Variants in MAP9 observed in about 807,000 individuals in gnomAD.
MAP9 encodes the protein microtubule-associated protein 9.
In MAP9, 80 loss-of-function variants were observed where a neutral mutation model predicts 75.2. The ratio of observed to expected loss-of-function variants is 1.06; its 90% confidence interval spans 0.89 to 1.28. The LOEUF (loss-of-function observed/expected upper bound fraction) is 1.28. Among genes scored for constraint, MAP9 ranks in the 50% most tolerant of loss-of-function variants. The pLI, the probability that MAP9 is intolerant of heterozygous loss-of-function variation, is 0.00. For synonymous variants in MAP9, 235 were observed against 237.3 expected, an observed-to-expected ratio of 0.99 and a Z score of 0.09; for missense variants, 753 against 719.9, an observed-to-expected ratio of 1.05 and a Z score of -0.53.
At chr4:155,350,327 G>A in intron 13 of MAP9, 1 of 399,750 alleles carries the variant, frequency 2.5e-6, no homozygotes, top group Non-Finnish European at 4.8e-6. Context: ...TACTATATTT[G>A]CAGACATTTT....
chr4:155,354,363 C>G (rs1190982804), intron 10 of MAP9: 1 of 151,542 alleles, frequency 6.6e-6, no homozygotes, highest in Non-Finnish European at 1.5e-5. Flanking sequence ...GGATACAGAT[C>G]AAGAGTTCAG....
intron 13 of MAP9, among the ~76,000 whole-genome samples, chr4:155,351,644 A>C (rs984825706): frequency 3.3e-5 from 5 of 151,920 alleles, no homozygotes; most frequent in African/African-American, 1.2e-4. Flanking sequence ...CCAACAATCT[A>C]ATAGAAAAGT....
rs1731281780 is a variant in MAP9 at position 155,346,214 on chromosome 4, C to T, written c.*1569G>A. ...CTCAAAGCCTTTGTCACATAACTTG[C>T]TGAGTTTTCTGATATTCTGATAGTA... On this transcript the variant is annotated 3_prime_UTR_variant, in exon 14 of 14. Coordinates refer to ENST00000311277, the MANE Select transcript of MAP9 (RefSeq NM_001039580.2). The T allele has an allele frequency of 6.6e-6, 1 of 152,202 alleles. No individual in the cohort carries two copies. The highest frequency in any genetic ancestry group is 2.1e-4 in the South Asian group (1 of 4,822). The allele number at this position is 152,202 out of a possible 1,614,324, so 9.4% of individuals were successfully genotyped here.
intron 5 of MAP9, among the ~76,000 whole-genome samples, chr4:155,363,850 G>T (rs1292330941): frequency 1.3e-5 from 2 of 152,040 alleles, no homozygotes; most frequent in Non-Finnish European, 2.9e-5. Flanking sequence ...AATATAAACA[G>T]AATCTCAGAG....
Position 155,362,137 on chromosome 4 carries a change from GA to G in MAP9, c.712del (p.Ser238HisfsTer3). The G allele has an allele frequency of 6.4e-7, 1 of 1,559,600 alleles. No homozygotes were observed. Among genetic ancestry groups the G allele is most frequent in the Non-Finnish European group, 8.6e-7 (1 of 1,156,384 alleles). Reference protein sequence around the residue: ...AFSENLDPEDSCLTSLASSSL... With the variant: ...AFSENLDPEDXCLTSLASSSL... ...TGATGATGCTAGACTTGTTAAGCAT[GA>G]ATCCTGTTTTCGCAAAAAAAAATAC... On this transcript the variant is annotated frameshift_variant, in exon 6 of 14. Transcript: ENST00000311277. LOFTEE classifies it high-confidence loss of function.
At chr4:155,369,396 C>G (rs977343048) in intron 4 of MAP9, among the ~76,000 whole-genome samples, 13 of 150,306 alleles carry the variant, frequency 8.6e-5, no homozygotes, top group Non-Finnish European at 1.3e-4. Flanking sequence ...CAGTTGTCAT[C>G]CTGAAAGTAA....
In MAP9 at chr4:155,346,800, A is replaced by G. The variant is rs1301634969; in HGVS notation, c.*983T>C. ...CACTTGGTCTGTCTTAAACCAGATG[A>G]CCAGGTCAAGTATGAGACCAGTTAC... On this transcript the variant is annotated 3_prime_UTR_variant, in exon 14 of 14. Coordinates refer to ENST00000311277, the MANE Select transcript of MAP9 (RefSeq NM_001039580.2). The G allele has an allele frequency of 1.3e-5, 2 of 152,576 alleles. No homozygotes were observed. Among genetic ancestry groups the G allele is most frequent in the African/African-American group, 4.8e-5 (2 of 41,440 alleles). 9.5% of individuals were successfully genotyped at this position (152,576 alleles called of 1,614,324 possible). A position where few individuals can be genotyped will look rare whatever the true frequency, so the allele number is the denominator to read the frequency against.
chr4:155,346,174 G>A lies in MAP9; in HGVS notation c.*1609C>T, dbSNP rs748795035. The A allele has an allele frequency of 2.6e-5, 4 of 152,090 alleles. No individual in the cohort carries two copies. Among genetic ancestry groups the A allele is most frequent in the East Asian group, 1.9e-4 (1 of 5,190 alleles). The allele number at this position is 152,090 out of a possible 1,614,324, so 9.4% of individuals were successfully genotyped here. A position where few individuals can be genotyped will look rare whatever the true frequency, so the allele number is the denominator to read the frequency against. ...AAGGCTGATGCTCAGTATGTGGAACGTCTGGAGTGATCATCTCAAAGCCTT... is the reference window on the plus strand; with the variant it reads ...AAGGCTGATGCTCAGTATGTGGAACATCTGGAGTGATCATCTCAAAGCCTT... On this transcript the variant is annotated 3_prime_UTR_variant, in exon 14 of 14. Transcript: ENST00000311277.
In MAP9 at chr4:155,352,715, CCTTT is replaced by C. The variant is rs760037769; in HGVS notation, c.1698_1701del (p.Glu568LeufsTer11). ...TTTTCCTTTTGCTTGAAAAAAGCTTCCTTTTTTTCATTCCTATAGAGCATAGTAT... is the reference window on the plus strand; with the variant it reads ...TTTTCCTTTTGCTTGAAAAAAGCTTCTTTTCATTCCTATAGAGCATAGTAT... On this transcript the variant is annotated frameshift_variant, in exon 13 of 14. Transcript: ENST00000311277. LOFTEE classifies it high-confidence loss of function. The C allele has an allele frequency of 6.6e-7, 1 of 1,525,462 alleles. No homozygotes were observed. Among genetic ancestry groups the C allele is most frequent in the East Asian group, 2.4e-5 (1 of 42,160 alleles). The allele number at this position is 1,525,462 out of a possible 1,614,324, so 94.5% of individuals were successfully genotyped here. A position where few individuals can be genotyped will look rare whatever the true frequency, so the allele number is the denominator to read the frequency against.
At chr4:155,349,210 A>G (rs1731400235) in intron 13 of MAP9, among the ~76,000 whole-genome samples, 1 of 152,032 alleles carries the variant, frequency 6.6e-6, no homozygotes, top group Non-Finnish European at 1.5e-5. Flanking sequence ...TGAGAGTGGG[A>G]AAAAAAATGT....
chr4:155,359,923 AG>A (rs1039301511), intron 7 of MAP9, among the ~76,000 whole-genome samples: 7 of 152,092 alleles, frequency 4.6e-5, no homozygotes, highest in African/African-American at 1.7e-4. Flanking sequence ...GACATTTAAA[AG>A]TATATTATGA....
intron 13 of MAP9, among the ~76,000 whole-genome samples, chr4:155,351,859 T>C (rs1465832753): frequency 6.6e-6 from 1 of 151,924 alleles, no homozygotes; most frequent in Non-Finnish European, 1.5e-5. Flanking sequence ...TACTATAATT[T>C]TGGTTGCTGA....
At chr4:155,374,616 C>T (rs1341524582) in intron 3 of MAP9, among the ~76,000 whole-genome samples, 1 of 152,154 alleles carries the variant, frequency 6.6e-6, no homozygotes, top group African/African-American at 2.4e-5. Context: ...TAGGGTTGAT[C>T]TTAAAGATGA....
At chr4:155,355,199 T>G (rs1268625751) in intron 9 of MAP9, 39 bp from the exon 10 acceptor site, 2 of 686,796 alleles carry the variant, frequency 2.9e-6, no homozygotes, top group East Asian at 3.6e-5. Context: ...TATTTAAAAT[T>G]TCTTAAGTGA....
chr4:155,346,747 A>G lies in MAP9; in HGVS notation c.*1036T>C, dbSNP rs1731300743. The G allele has an allele frequency of 6.6e-6, 1 of 152,616 alleles. No individual in the cohort carries two copies. Among genetic ancestry groups the G allele is most frequent in the Non-Finnish European group, 1.5e-5 (1 of 68,028 alleles). The allele number at this position is 152,616 out of a possible 1,614,324, so 9.5% of individuals were successfully genotyped here. ...CCATCATCTCCTCATTGCACAACTG[A>G]CTAATGCATTTCAGCTCCGTGAGCA... On this transcript the variant is annotated 3_prime_UTR_variant, in exon 14 of 14. Transcript: ENST00000311277.
chr4:155,368,583 A>C lies in MAP9; in HGVS notation c.708+3T>G. The C allele has an allele frequency of 6.2e-7, 1 of 1,608,742 alleles. No individual in the cohort carries two copies. On this transcript the variant is annotated splice_donor_region_variant and intron_variant, in intron 5 of 13. Coordinates refer to ENST00000311277, the MANE Select transcript of MAP9 (RefSeq NM_001039580.2). ...AATTCAACAGTTTAGTGGTAGTGCTAACCTCAGGATCAAGGTTTTCAGAGA... is the reference window on the plus strand; with the variant it reads ...AATTCAACAGTTTAGTGGTAGTGCTCACCTCAGGATCAAGGTTTTCAGAGA...
chr4:155,352,716 CT>C lies in MAP9; in HGVS notation c.1700del (p.Lys567ArgfsTer13), dbSNP rs1215313075. 5.3e-6 allele frequency: 8 copies of C among 1,516,166 alleles called. No individual in the cohort carries two copies. Among genetic ancestry groups the C allele is most frequent in the African/African-American group, 1.4e-5 (1 of 70,884 alleles). 93.9% of individuals were successfully genotyped at this position (1,516,166 alleles called of 1,614,324 possible). A position where few individuals can be genotyped will look rare whatever the true frequency, so the allele number is the denominator to read the frequency against. On this transcript the variant is annotated frameshift_variant, in exon 13 of 14. Transcript: ENST00000311277. LOFTEE classifies it high-confidence loss of function. ...LTAVEKWNEK[K>X]EAFFKQKEKE... ...TTTCCTTTTGCTTGAAAAAAGCTTCCTTTTTTTCATTCCTATAGAGCATAGT... is the reference window on the plus strand; with the variant it reads ...TTTCCTTTTGCTTGAAAAAAGCTTCCTTTTTTCATTCCTATAGAGCATAGT...
intron 5 of MAP9, among the ~76,000 whole-genome samples, chr4:155,365,803 T>G (rs1435035128): frequency 6.6e-6 from 1 of 152,006 alleles, no homozygotes; most frequent in Non-Finnish European, 1.5e-5. Context: ...ATATTATATG[T>G]ATCGAAAAAT....
At chr4:155,351,467 G>T (rs6829263) in intron 13 of MAP9, among the ~76,000 whole-genome samples, 100,551 of 148,562 alleles carry the variant, frequency 0.68, 35,919 homozygotes, top group East Asian at 0.91. Flanking sequence ...AAAAAAAACA[G>T]AAATCTGACA....
Sources: gnomAD v4.1 joint callset for allele counts (sites outside exome capture counted in the v4.1 genomes callset) on GRCh38, gnomAD v4.1.1 for gene constraint, MANE v1.5 for transcripts, NCBI Gene and HGNC (gene_info 2026-07-23, HGNC 2026-07-21) for gene names.